CSMD1: variants seen among roughly 807,000 people sequenced by gnomAD.
CSMD1 encodes the protein CUB and Sushi multiple domains 1.
A neutral mutation model predicts 417.5 loss-of-function variants in CSMD1; 213 were observed. The ratio of observed to expected loss-of-function variants is 0.51; its 90% confidence interval spans 0.46 to 0.57. The LOEUF (loss-of-function observed/expected upper bound fraction) is 0.57. Ranked by LOEUF, CSMD1 falls within the 20% of genes least tolerant of loss-of-function variation. The pLI, the probability that CSMD1 is intolerant of heterozygous loss-of-function variation, is 0.00. For synonymous variants in CSMD1, 2,862 were observed against 1,736.8 expected (o/e 1.65, Z -16.11); for missense variants, 6,923 against 4,529.7 (o/e 1.53, Z -15.17).
intron 3 of CSMD1, among the ~76,000 whole-genome samples, chr8:4,160,541 T>C (rs973678170): frequency 6.6e-6 from 1 of 152,172 alleles, no homozygotes; most frequent in Non-Finnish European, 1.5e-5. Context: ...AAAGGAGATT[T>C]TCAGGTGATT....
intron 5 of CSMD1, among the ~76,000 whole-genome samples, chr8:3,963,903 C>G (rs893457288): frequency 5.3e-5 from 8 of 152,142 alleles, no homozygotes; most frequent in Non-Finnish European, 8.8e-5. Context: ...GAATTTCTAA[C>G]TCATTGTATC....
chr8:4,419,110 T>C (rs1230767), intron 3 of CSMD1, among the ~76,000 whole-genome samples: 13,704 of 152,222 alleles, frequency 0.09, 895 homozygotes, highest in African/African-American at 0.18. Flanking sequence ...ATTTGTGACT[T>C]AGTAGCAAAT....
At chr8:3,904,959 C>A (rs557412979) in intron 5 of CSMD1, among the ~76,000 whole-genome samples, 1 of 152,080 alleles carries the variant, frequency 6.6e-6, no homozygotes, top group Non-Finnish European at 1.5e-5. Context: ...TTTTCCTTAT[C>A]TGACATTTAA....
At chr8:4,908,876 C>G (rs562949834) in intron 1 of CSMD1, among the ~76,000 whole-genome samples, 1 of 152,160 alleles carries the variant, frequency 6.6e-6, no homozygotes, top group Non-Finnish European at 1.5e-5. Flanking sequence ...CATAATTGTT[C>G]TAAATTCCCT....
intron 40 of CSMD1, among the ~76,000 whole-genome samples, chr8:3,149,396 T>C (rs773960730): frequency 5.3e-5 from 8 of 152,222 alleles, no homozygotes; most frequent in Non-Finnish European, 1.0e-4. Flanking sequence ...GACTTTCCTA[T>C]TTGTTTCACT....
chr8:4,651,473 G>T (rs1328243329), intron 1 of CSMD1, among the ~76,000 whole-genome samples: 1 of 151,992 alleles, frequency 6.6e-6, no homozygotes, highest in Non-Finnish European at 1.5e-5. Flanking sequence ...ACTGGTGGGG[G>T]GAGGAATTGA....
chr8:4,659,332 C>G (rs1404002044), intron 1 of CSMD1, among the ~76,000 whole-genome samples: 8 of 152,076 alleles, frequency 5.3e-5, no homozygotes, highest in Non-Finnish European at 1.0e-4. Flanking sequence ...CAAATAAACT[C>G]CAAGCTGGCA....
At chr8:4,898,446 G>A (rs1057388565) in intron 1 of CSMD1, among the ~76,000 whole-genome samples, 4 of 151,452 alleles carry the variant, frequency 2.6e-5, no homozygotes, top group Non-Finnish European at 5.9e-5. Context: ...GGACCGCATG[G>A]GTGTAGAAAG....
chr8:3,141,832 C>G (rs1281459023), intron 41 of CSMD1, among the ~76,000 whole-genome samples: 4 of 149,678 alleles, frequency 2.7e-5, no homozygotes, highest in South Asian at 2.1e-4. Context: ...GAGTCTGGCT[C>G]TGTCGCCCAG....
At chr8:3,271,560 TC>T (rs1801856433) in intron 26 of CSMD1, among the ~76,000 whole-genome samples, 1 of 151,364 alleles carries the variant, frequency 6.6e-6, no homozygotes, top group Non-Finnish European at 1.5e-5. Context: ...GTAAAAGTGT[TC>T]CTATTTCTCC....
At chr8:4,041,666 G>T (rs370155819) in intron 3 of CSMD1, among the ~76,000 whole-genome samples, 9 of 152,114 alleles carry the variant, frequency 5.9e-5, no homozygotes, top group East Asian at 5.8e-4. Context: ...AATGAAAAGT[G>T]AGCCAGAAAT....
intron 7 of CSMD1, among the ~76,000 whole-genome samples, chr8:3,648,266 T>C (rs1797675642): frequency 6.6e-6 from 1 of 152,262 alleles, no homozygotes; most frequent in South Asian, 2.1e-4. Flanking sequence ...TATTTTCCTC[T>C]TTTCTCTAGA....
At chr8:3,400,735 G>A (rs1005831348) in intron 15 of CSMD1, among the ~76,000 whole-genome samples, 5 of 151,696 alleles carry the variant, frequency 3.3e-5, no homozygotes, top group Admixed American at 2.0e-4. Context: ...AGTGAACACG[G>A]CAGTGGAAAT....
chr8:4,645,102 C>T (rs1803438899), intron 1 of CSMD1, among the ~76,000 whole-genome samples: 1 of 152,158 alleles, frequency 6.6e-6, no homozygotes, highest in Non-Finnish European at 1.5e-5. Flanking sequence ...TGTTCAGCAG[C>T]CTGATTGTCG....
chr8:3,395,973 T>C (rs62503556), intron 17 of CSMD1, among the ~76,000 whole-genome samples: 121 of 152,230 alleles, frequency 7.9e-4, no homozygotes, highest in Non-Finnish European at 1.1e-3. Context: ...TACTTTGTCA[T>C]ACGCGATGGA....
chr8:4,423,104 G>A (rs920513919), intron 2 of CSMD1, among the ~76,000 whole-genome samples: 1 of 152,066 alleles, frequency 6.6e-6, no homozygotes, highest in Non-Finnish European at 1.5e-5. Flanking sequence ...CTTAGTGGTT[G>A]AAGACTGAAT....
chr8:4,026,897 G>C (rs1382050146), intron 4 of CSMD1, among the ~76,000 whole-genome samples: 2 of 151,896 alleles, frequency 1.3e-5, no homozygotes, highest in African/African-American at 4.8e-5. Flanking sequence ...GTATGCTGCT[G>C]AGCGAATTCT....
intron 3 of CSMD1, among the ~76,000 whole-genome samples, chr8:4,181,891 G>C (rs1584973259): frequency 6.6e-6 from 1 of 152,068 alleles, no homozygotes; most frequent in African/African-American, 2.4e-5. Context: ...TGATTTCACA[G>C]TGATAACCAC....
intron 11 of CSMD1, 35 bp downstream of exon 11, chr8:3,493,588 G>A (rs752417580): frequency 2.6e-6 from 4 of 1,546,278 alleles, no homozygotes; most frequent in Non-Finnish European, 1.8e-6. Context: ...CGCACTGCAT[G>A]CATAAGAGAA....
Sources: allele counts gnomAD v4.1 joint callset (sites outside exome capture counted in the v4.1 genomes callset), GRCh38; gene constraint gnomAD v4.1.1; transcripts MANE v1.5; gene names NCBI Gene and HGNC (gene_info 2026-07-23, HGNC 2026-07-21).